Variants in FHIT observed in about 807,000 individuals in gnomAD.
The protein encoded by FHIT is fragile histidine triad diadenosine triphosphatase.
A neutral mutation model predicts 17.9 loss-of-function variants in FHIT; 19 were observed. The observed-to-expected ratio is 1.06, with a 90% CI of 0.74 to 1.56. The LOEUF (loss-of-function observed/expected upper bound fraction) is 1.56. FHIT is among the 40% of genes most tolerant of loss of function. The pLI is 0.00. For synonymous variants in FHIT, 81 were observed against 69.7 expected (o/e 1.16, Z -0.81); for missense variants, 248 against 189.2 (o/e 1.31, Z -1.82).
chr3:61,063,433 T>C (rs1004973629), intron 2 of FHIT, among the ~76,000 whole-genome samples: 1 of 152,060 alleles, frequency 6.6e-6, no homozygotes, highest in African/African-American at 2.4e-5. Flanking sequence ...CTCTTAACCA[T>C]TGCACTATAC....
At chr3:60,107,202 G>C (rs1250076192) in intron 5 of FHIT, among the ~76,000 whole-genome samples, 1 of 124,994 alleles carries the variant, frequency 8.0e-6, no homozygotes, top group African/African-American at 3.2e-5. Context: ...GTGATGGTTG[G>C]ATCAACTTAC....
chr3:59,895,418 A>G (rs1340767724), intron 8 of FHIT, among the ~76,000 whole-genome samples: 2 of 152,242 alleles, frequency 1.3e-5, no homozygotes, highest in African/African-American at 2.4e-5. Flanking sequence ...TTTTCTTCAC[A>G]GCAGAGCAAA....
At chr3:60,417,450 TG>T (rs1702291876) in intron 5 of FHIT, among the ~76,000 whole-genome samples, 2 of 152,200 alleles carry the variant, frequency 1.3e-5, no homozygotes, top group Non-Finnish European at 2.9e-5. Context: ...AGCCATTTGC[TG>T]TTCATAAATG....
intron 5 of FHIT, among the ~76,000 whole-genome samples, chr3:60,015,509 T>C (rs1184824899): frequency 6.6e-6 from 1 of 152,202 alleles, no homozygotes; most frequent in African/African-American, 2.4e-5. Flanking sequence ...CATTTAGAAA[T>C]GAAGAATTTC....
At chr3:61,157,017 T>C (rs528835432) in intron 2 of FHIT, among the ~76,000 whole-genome samples, 4 of 152,320 alleles carry the variant, frequency 2.6e-5, no homozygotes, top group African/African-American at 9.6e-5. Flanking sequence ...GAAAACCTCA[T>C]GGATATGATT....
At chr3:60,990,817 A>G (rs544293889) in intron 3 of FHIT, among the ~76,000 whole-genome samples, 1 of 152,330 alleles carries the variant, frequency 6.6e-6, no homozygotes, top group East Asian at 1.9e-4. Context: ...ACATTTTTAA[A>G]ATAAAACTTT....
chr3:60,865,323 T>G (rs1278276202), intron 3 of FHIT, among the ~76,000 whole-genome samples: 1 of 152,158 alleles, frequency 6.6e-6, no homozygotes, highest in Non-Finnish European at 1.5e-5. Flanking sequence ...TCAGTCCCAT[T>G]AGCCCCATTT....
chr3:60,664,392 T>A (rs1553691934), intron 4 of FHIT, among the ~76,000 whole-genome samples: 1 of 152,038 alleles, frequency 6.6e-6, no homozygotes, highest in East Asian at 1.9e-4. Flanking sequence ...AATTTCTGAG[T>A]CAAAATTTAC....
chr3:60,385,200 A>G (rs990814218), intron 5 of FHIT, among the ~76,000 whole-genome samples: 4 of 152,218 alleles, frequency 2.6e-5, no homozygotes, highest in Non-Finnish European at 1.5e-5. Context: ...CTATTCCAGC[A>G]GATTAAAAAA....
chr3:59,863,767 A>G (rs986568484), intron 8 of FHIT, among the ~76,000 whole-genome samples: 9 of 152,238 alleles, frequency 5.9e-5, no homozygotes, highest in African/African-American at 2.2e-4. Context: ...TCCTTCTTCC[A>G]GGCAGATGAA....
At chr3:60,881,612 A>T (rs1362564965) in intron 3 of FHIT, among the ~76,000 whole-genome samples, 1 of 152,200 alleles carries the variant, frequency 6.6e-6, no homozygotes, top group African/African-American at 2.4e-5. Context: ...TAAAACTAGA[A>T]ATCAATAACA....
At chr3:59,890,393 G>A (rs1236684614) in intron 8 of FHIT, among the ~76,000 whole-genome samples, 1 of 151,988 alleles carries the variant, frequency 6.6e-6, no homozygotes, top group Non-Finnish European at 1.5e-5. Flanking sequence ...GCCAAACACT[G>A]GAAAAGAAAA....
intron 4 of FHIT, chr3:60,732,080 G>C: frequency 1.7e-6 from 1 of 591,944 alleles, no homozygotes. Context: ...AAATGGGGTG[G>C]AGGGGTAGTC....
chr3:60,068,292 T>C (rs1213976587), intron 5 of FHIT, among the ~76,000 whole-genome samples: 1 of 152,194 alleles, frequency 6.6e-6, no homozygotes, highest in African/African-American at 2.4e-5. Flanking sequence ...CCAATGTCTA[T>C]TTCCAAGCTG....
intron 7 of FHIT, among the ~76,000 whole-genome samples, chr3:59,991,550 G>A (rs1308834898): frequency 2.0e-5 from 3 of 151,950 alleles, no homozygotes; most frequent in Non-Finnish European, 4.4e-5. Flanking sequence ...AGATACATTA[G>A]TACCCCAGGC....
At chr3:60,866,272 G>A (rs1553753834) in intron 3 of FHIT, among the ~76,000 whole-genome samples, 1 of 152,178 alleles carries the variant, frequency 6.6e-6, no homozygotes, top group African/African-American at 2.4e-5. Context: ...TTTTCCATGT[G>A]GAAGAGGGCT....
At chr3:60,168,213 T>C (rs1701262335) in intron 5 of FHIT, among the ~76,000 whole-genome samples, 1 of 152,188 alleles carries the variant, frequency 6.6e-6, no homozygotes, top group Admixed American at 6.5e-5. Flanking sequence ...GATGAATGAA[T>C]GAAACAAGAG....
intron 8 of FHIT, among the ~76,000 whole-genome samples, chr3:59,823,436 T>A (rs1460022463): frequency 6.6e-6 from 1 of 152,148 alleles, no homozygotes; most frequent in Admixed American, 6.6e-5. Context: ...AGAACACAGA[T>A]GCAAAATCCT....
At chr3:59,813,369 G>A (rs560248710) in intron 8 of FHIT, among the ~76,000 whole-genome samples, 143 of 152,262 alleles carry the variant, frequency 9.4e-4, no homozygotes, top group Non-Finnish European at 1.7e-3. Context: ...TCTCGATAAG[G>A]TTCGCCTGAG....
Sources: allele counts gnomAD v4.1 joint callset (sites outside exome capture counted in the v4.1 genomes callset), GRCh38; gene constraint gnomAD v4.1.1; transcripts MANE v1.5; gene names NCBI Gene and HGNC (gene_info 2026-07-23, HGNC 2026-07-21).